Variants in GPC6 observed in about 807,000 individuals in gnomAD.
The protein encoded by GPC6 is glypican-6.
Under a neutral mutation model 55.2 loss-of-function variants are expected in GPC6, and 14 were observed. The observed-to-expected ratio is 0.25, with a 90% CI of 0.17 to 0.40. GPC6 has a LOEUF of 0.40. Ranked by LOEUF, GPC6 falls within the 10% of genes least tolerant of loss-of-function variation. GPC6 has a pLI of 1.00. For synonymous variants in GPC6, 278 were observed against 259.6 expected, an observed-to-expected ratio of 1.07 and a Z score of -0.68; for missense variants, 641 against 708.5, an observed-to-expected ratio of 0.90 and a Z score of 1.08.
At chr13:93,318,937 A>C (rs536800734) in intron 1 of GPC6, among the ~76,000 whole-genome samples, 2 of 152,326 alleles carry the variant, frequency 1.3e-5, no homozygotes, top group African/African-American at 4.8e-5. Context: ...TACTCTAGTC[A>C]GAATGAGGTT....
At chr13:93,223,240 A>ATGGC (rs2138990094), upstream of GPC6, among the ~76,000 whole-genome samples, 1 of 152,156 alleles carries the variant, frequency 6.6e-6, no homozygotes, top group South Asian at 2.1e-4. Flanking sequence ...TCTGTCACCT[A>ATGGC]TGGCTGCTCT....
intron 2 of GPC6, among the ~76,000 whole-genome samples, chr13:93,820,236 A>G (rs1344339847): frequency 6.6e-6 from 1 of 152,140 alleles, no homozygotes; most frequent in Non-Finnish European, 1.5e-5. Context: ...CTGGTGATGT[A>G]CAATTGTCCT....
intron 4 of GPC6, among the ~76,000 whole-genome samples, chr13:94,227,860 G>C (rs1170962349): frequency 6.6e-6 from 1 of 152,076 alleles, no homozygotes; most frequent in African/African-American, 2.4e-5. Flanking sequence ...AACAATGAAA[G>C]AGCCCTGGAG....
At chr13:93,354,195 A>G (rs1880743651) in intron 1 of GPC6, among the ~76,000 whole-genome samples, 1 of 152,168 alleles carries the variant, frequency 6.6e-6, no homozygotes, top group African/African-American at 2.4e-5. Context: ...GGTTATGGCT[A>G]TCACTTGGAA....
chr13:93,263,414 G>C (rs1877217101), intron 1 of GPC6, among the ~76,000 whole-genome samples: 2 of 152,098 alleles, frequency 1.3e-5, no homozygotes, highest in African/African-American at 4.8e-5. Flanking sequence ...ACCCAGGCTA[G>C]AGTGCAGTGG....
chr13:93,957,934 T>A (rs773131452), intron 3 of GPC6, among the ~76,000 whole-genome samples: 13 of 152,220 alleles, frequency 8.5e-5, no homozygotes, highest in Non-Finnish European at 1.2e-4. Context: ...CATCTCATTG[T>A]GGTTTTGATT....
At chr13:93,495,043 T>C in intron 1 of GPC6, among the ~76,000 whole-genome samples, 1 of 120,614 alleles carries the variant, frequency 8.3e-6, no homozygotes. Context: ...TGGCGTTCTC[T>C]GTATTTCCTG....
intron 3 of GPC6, among the ~76,000 whole-genome samples, chr13:93,970,981 C>T (rs1056218425): frequency 2.6e-5 from 4 of 152,194 alleles, no homozygotes; most frequent in South Asian, 2.1e-4. Flanking sequence ...CAGAATAAGT[C>T]GTGTAATTTC....
intron 3 of GPC6, among the ~76,000 whole-genome samples, chr13:93,971,754 G>A (rs1034806335): frequency 1.3e-5 from 2 of 152,172 alleles, no homozygotes; most frequent in Admixed American, 1.3e-4. Context: ...TTAGTGACAG[G>A]ATTGCAGAAG....
rs566538866 is a variant in GPC6 at position 93,333,650 on chromosome 13, G to A, written c.160+106034G>A. ...TGGCTCAAGTGATCCTCCCACCTCA[G>A]CCTCCCAAGTATTGTAGCTGGGACC... On this transcript the variant is annotated intron_variant, in intron 1 of 8. Coordinates refer to ENST00000377047, the MANE Select transcript of GPC6 (RefSeq NM_005708.5). Among the ~76,000 whole-genome samples the A allele has an allele frequency of 8.0e-4, 120 of 150,514 alleles. 3 individuals are homozygous for A. Among genetic ancestry groups the A allele is most frequent in the Admixed American group, 5.3e-4 (8 of 15,028 alleles).
intron 2 of GPC6, among the ~76,000 whole-genome samples, chr13:93,775,509 C>T (rs1885438740): frequency 1.3e-5 from 2 of 152,270 alleles, no homozygotes; most frequent in South Asian, 4.1e-4. Flanking sequence ...CACCTTCAGG[C>T]CTGGTGAGCT....
intron 3 of GPC6, among the ~76,000 whole-genome samples, chr13:93,883,559 G>A (rs1025484197): frequency 6.6e-6 from 1 of 151,754 alleles, no homozygotes; most frequent in Non-Finnish European, 1.5e-5. Context: ...CATTAGTGAT[G>A]TTGAGCATTT....
At chr13:93,569,737 T>C (rs1218953224) in intron 2 of GPC6, among the ~76,000 whole-genome samples, 3 of 152,136 alleles carry the variant, frequency 2.0e-5, no homozygotes, top group Non-Finnish European at 4.4e-5. Flanking sequence ...TTTTATTTGT[T>C]AAATGTTATT....
chr13:93,352,212 A>C (rs1880655737), intron 1 of GPC6, among the ~76,000 whole-genome samples: 1 of 152,194 alleles, frequency 6.6e-6, no homozygotes, highest in Non-Finnish European at 1.5e-5. Context: ...TTTTCACCTT[A>C]AAATAGCTAA....
At chr13:93,571,041 A>G (rs889455276) in intron 2 of GPC6, among the ~76,000 whole-genome samples, 10 of 152,060 alleles carry the variant, frequency 6.6e-5, no homozygotes, top group African/African-American at 2.2e-4. Flanking sequence ...ACATATATAT[A>G]TATTTTTTAA....
intron 2 of GPC6, among the ~76,000 whole-genome samples, chr13:93,643,629 TC>T (rs1415545646): frequency 6.6e-6 from 1 of 152,116 alleles, no homozygotes; most frequent in East Asian, 1.9e-4. Context: ...ATTTCTTCTT[TC>T]CTGGTAAGGG....
intron 2 of GPC6, among the ~76,000 whole-genome samples, chr13:93,707,826 A>G (rs751546673): frequency 6.6e-6 from 1 of 151,872 alleles, no homozygotes; most frequent in Admixed American, 6.6e-5. Context: ...AGATGTCCAT[A>G]TCACAGTTGA....
chr13:94,021,850 C>T (rs1020164654), intron 3 of GPC6, among the ~76,000 whole-genome samples: 2 of 152,036 alleles, frequency 1.3e-5, no homozygotes, highest in African/African-American at 2.4e-5. Flanking sequence ...CAAAATCTCA[C>T]TTAGTTGGCT....
chr13:93,264,506 C>A (rs372779415), intron 1 of GPC6, among the ~76,000 whole-genome samples: 2 of 152,116 alleles, frequency 1.3e-5, no homozygotes, highest in Admixed American at 6.6e-5. Context: ...AATTCCTGGG[C>A]TCCAGTGATC....
Sources: allele counts gnomAD v4.1 joint callset (sites outside exome capture counted in the v4.1 genomes callset), GRCh38; gene constraint gnomAD v4.1.1; transcripts MANE v1.5; gene names NCBI Gene and HGNC (gene_info 2026-07-23, HGNC 2026-07-21).